ADD3: variants seen among roughly 807,000 people sequenced by gnomAD.
The protein encoded by ADD3 is gamma-adducin.
ADD3 carries 25 observed loss-of-function variants against 80.2 expected under a neutral mutation model. That is an observed-to-expected ratio of 0.31 (90% CI 0.23 to 0.44). The LOEUF (loss-of-function observed/expected upper bound fraction) is 0.44. Ranked by LOEUF, ADD3 falls within the 20% of genes least tolerant of loss-of-function variation. The pLI, the probability that ADD3 is intolerant of heterozygous loss-of-function variation, is 1.00. For missense variants in ADD3, 829 were observed against 847.5 expected, an observed-to-expected ratio of 0.98 and a Z score of 0.27; for synonymous variants, 284 against 289.6, an observed-to-expected ratio of 0.98 and a Z score of 0.20.
At chr10:110,093,056 A>G (rs1847745475) in intron 1 of ADD3, among the ~76,000 whole-genome samples, 2 of 152,104 alleles carry the variant, frequency 1.3e-5, no homozygotes, top group Admixed American at 1.3e-4. Context: ...ATGGGGTTTC[A>G]CCATATTTGC....
intron 12 of ADD3, among the ~76,000 whole-genome samples, chr10:110,128,356 G>A (rs1266841941): frequency 6.6e-6 from 1 of 151,364 alleles, no homozygotes; most frequent in Admixed American, 6.6e-5. Flanking sequence ...TACTTTCTGG[G>A]AGAATGTTTT....
At chr10:110,118,082 T>C (rs1851010969) in intron 5 of ADD3, among the ~76,000 whole-genome samples, 1 of 147,558 alleles carries the variant, frequency 6.8e-6, no homozygotes, top group Non-Finnish European at 1.5e-5. Flanking sequence ...ACAATGTTCA[T>C]AGCTAGATTT....
intron 1 of ADD3, among the ~76,000 whole-genome samples, chr10:110,028,701 A>G (rs1298013829): frequency 6.6e-6 from 1 of 152,226 alleles, no homozygotes. Context: ...GAAAATAATG[A>G]TGTAGAATCA....
chr10:110,104,756 A>C (rs1849227820), intron 2 of ADD3, among the ~76,000 whole-genome samples: 1 of 152,236 alleles, frequency 6.6e-6, no homozygotes, highest in African/African-American at 2.4e-5. Flanking sequence ...ATGCATCTTT[A>C]ATCCTCAAAG....
chr10:110,085,524 C>T (rs1846617261), intron 1 of ADD3, among the ~76,000 whole-genome samples: 1 of 152,032 alleles, frequency 6.6e-6, no homozygotes, highest in African/African-American at 2.4e-5. Flanking sequence ...AGTTTAGGGA[C>T]AGGGAATTTT....
chr10:110,009,898 A>G (rs555777791), intron 1 of ADD3, among the ~76,000 whole-genome samples: 1 of 152,326 alleles, frequency 6.6e-6, no homozygotes, highest in African/African-American at 2.4e-5. Flanking sequence ...TACATATATG[A>G]TATCAGGAAA....
intron 1 of ADD3, among the ~76,000 whole-genome samples, chr10:110,049,803 C>T (rs989561666): frequency 6.6e-6 from 1 of 151,018 alleles, no homozygotes; most frequent in African/African-American, 2.4e-5. Context: ...AGGAGAATGG[C>T]ATGAACCCGG....
Position 110,122,100 on chromosome 10 carries a change from T to C in ADD3, c.961-10T>C. On this transcript the variant is annotated splice_polypyrimidine_tract_variant and intron_variant, in intron 8 of 14. Coordinates refer to ENST00000356080, the MANE Select transcript of ADD3 (RefSeq NM_016824.5). ...TTTTGTGTCTCTGTATATTTTACCA[T>C]TGATTACAGGTGCAGGCCCTAGCAG... 3.1e-6 allele frequency: 5 copies of C among 1,598,240 alleles called. No homozygotes were observed. Among genetic ancestry groups the C allele is most frequent in the Admixed American group, 1.8e-5 (1 of 56,748 alleles).
chr10:110,012,018 A>C lies in ADD3; in HGVS notation c.-30+3719A>C, dbSNP rs531605354. Among the ~76,000 whole-genome samples the C allele has an allele frequency of 6.6e-5, 10 of 152,326 alleles. No individual in the cohort carries two copies. The South Asian group carries it at 2.1e-3, about 32-fold the overall frequency. On this transcript the variant is annotated intron_variant, in intron 1 of 14. Coordinates refer to ENST00000356080, the MANE Select transcript of ADD3 (RefSeq NM_016824.5). ...TTCATTGGCTGTTGCTTGAACGAAA[A>C]AGTGTGTTATCCCTTAGATGAATAT...
chr10:110,052,240 AC>A (rs1381999723), intron 1 of ADD3, among the ~76,000 whole-genome samples: 5 of 151,978 alleles, frequency 3.3e-5, no homozygotes, highest in African/African-American at 4.8e-5. Flanking sequence ...AGTAGTAGGT[AC>A]CCCCTCCCTC....
chr10:110,121,654 C>G (rs939568183), intron 8 of ADD3, among the ~76,000 whole-genome samples: 5 of 152,222 alleles, frequency 3.3e-5, no homozygotes, highest in Middle Eastern at 3.2e-3. Context: ...GGTTCCTCCT[C>G]TTCTCAAATG....
intron 1 of ADD3, among the ~76,000 whole-genome samples, chr10:109,996,823 T>C (rs527972361): frequency 2.5e-4 from 38 of 152,326 alleles, no homozygotes; most frequent in African/African-American, 9.1e-4. Context: ...ACCTCAGTGG[T>C]GTGACTGATG....
At position 110,119,578 on chromosome 10, in the gene ADD3, T is replaced by C; in HGVS notation, c.960+14T>C. 6.3e-7 allele frequency: 1 copy of C among 1,596,030 alleles called. No individual in the cohort carries two copies. Among genetic ancestry groups the C allele is most frequent in the Non-Finnish European group, 8.6e-7 (1 of 1,166,032 alleles). ...TGTGAGATTCAGGTAGGAAACATTA[T>C]TCCCCTTTTTTAATTGCTTTGTTAT... On this transcript the variant is annotated intron_variant, in intron 8 of 14. Coordinates refer to ENST00000356080, the MANE Select transcript of ADD3 (RefSeq NM_016824.5).
At chr10:110,047,966 A>G (rs1857079584) in intron 1 of ADD3, among the ~76,000 whole-genome samples, 1 of 152,194 alleles carries the variant, frequency 6.6e-6, no homozygotes, top group East Asian at 1.9e-4. Context: ...ATCCTTTCTC[A>G]AGTGATATGG....
At chr10:110,043,635 G>A (rs1856607453) in intron 1 of ADD3, among the ~76,000 whole-genome samples, 1 of 152,170 alleles carries the variant, frequency 6.6e-6, no homozygotes, top group Admixed American at 6.5e-5. Flanking sequence ...AGCTATGTTA[G>A]TCTCTTGAAA....
chr10:110,006,077 C>A, upstream of ADD3: 1 of 180,016 alleles, frequency 5.6e-6, no homozygotes, highest in Non-Finnish European at 1.2e-5. Flanking sequence ...TTGCAGAATC[C>A]ACACCTAGAG....
intron 1 of ADD3, among the ~76,000 whole-genome samples, chr10:110,089,133 A>G (rs949051322): frequency 5.3e-5 from 8 of 152,200 alleles, no homozygotes; most frequent in Non-Finnish European, 1.0e-4. Context: ...TATGCAGTAA[A>G]GTATGAAGTA....
intron 1 of ADD3, among the ~76,000 whole-genome samples, chr10:109,996,705 T>C (rs948543197): frequency 3.3e-5 from 5 of 152,230 alleles, no homozygotes; most frequent in Non-Finnish European, 7.4e-5. Context: ...GAAAGTTTAG[T>C]CTGAAGGTAG....
At chr10:110,048,002 C>T (rs1232508992) in intron 1 of ADD3, among the ~76,000 whole-genome samples, 1 of 152,164 alleles carries the variant, frequency 6.6e-6, no homozygotes, top group Admixed American at 6.5e-5. Context: ...ACCCAAATCC[C>T]ATATTGAATT....
Sources: allele counts gnomAD v4.1 joint callset (sites outside exome capture counted in the v4.1 genomes callset), GRCh38; gene constraint gnomAD v4.1.1; transcripts MANE v1.5; gene names NCBI Gene and HGNC (gene_info 2026-07-23, HGNC 2026-07-21).